The following PEMT variants were observed in gnomAD, a reference collection of about 807,000 sequenced individuals.
The protein encoded by PEMT is phosphatidylethanolamine N-methyltransferase, also known as phospholipid methyltransferase.
Under a neutral mutation model 27.4 loss-of-function variants are expected in PEMT, and 23 were observed. The ratio of observed to expected loss-of-function variants is 0.84; its 90% CI spans 0.60 to 1.19. The LOEUF is 1.19. Among genes scored for constraint, PEMT ranks in the 50% most tolerant of loss-of-function variants. The pLI, the probability that PEMT is intolerant of heterozygous loss-of-function variation, is 0.00. For missense variants in PEMT, 307 were observed against 310.1 expected (o/e 0.99, Z 0.07); for synonymous variants, 137 against 139.1 (o/e 0.98, Z 0.11).
intron 2 of PEMT, among the ~76,000 whole-genome samples, chr17:17,559,550 C>T (rs1910316991): frequency 1.3e-5 from 2 of 152,228 alleles, no homozygotes; most frequent in South Asian, 2.1e-4. Context: ...TTGAAACGGG[C>T]CTGTGAGTCC....
intron 2 of PEMT, among the ~76,000 whole-genome samples, chr17:17,538,864 C>T (rs967607679): frequency 2.6e-5 from 4 of 152,112 alleles, no homozygotes; most frequent in South Asian, 4.1e-4. Context: ...AAATATTTGG[C>T]GAGTGGCAGA....
intron 1 of PEMT, among the ~76,000 whole-genome samples, chr17:17,585,767 T>G (rs1297986486): frequency 1.3e-5 from 2 of 151,970 alleles, no homozygotes; most frequent in African/African-American, 2.4e-5. Flanking sequence ...AATCAGTACT[T>G]TTGAATGGAA....
At chr17:17,573,477 A>G (rs9904004) in intron 2 of PEMT, among the ~76,000 whole-genome samples, 17,215 of 151,786 alleles carry the variant, frequency 0.11, 1,644 homozygotes, top group African/African-American at 0.26. Context: ...AAAAAAAAAA[A>G]AAAAGAAAAA....
intron 2 of PEMT, among the ~76,000 whole-genome samples, chr17:17,568,569 G>A (rs946269500): frequency 2.6e-5 from 4 of 152,190 alleles, no homozygotes; most frequent in Admixed American, 6.5e-5. Flanking sequence ...TGGAGAAACC[G>A]ATGCCCAGGA....
chr17:17,566,348 C>T (rs948115547), intron 2 of PEMT, among the ~76,000 whole-genome samples: 6 of 152,162 alleles, frequency 3.9e-5, no homozygotes, highest in Non-Finnish European at 8.8e-5. Context: ...TTCCTGGGGA[C>T]GCCTCAGGGT....
At chr17:17,530,637 A>T (rs1908025438) in intron 2 of PEMT, among the ~76,000 whole-genome samples, 1 of 152,242 alleles carries the variant, frequency 6.6e-6, no homozygotes, top group African/African-American at 2.4e-5. Context: ...CAGCCTGAGG[A>T]CAAAAGAACC....
At chr17:17,589,752 G>T (rs942485844) in intron 1 of PEMT, among the ~76,000 whole-genome samples, 4 of 152,214 alleles carry the variant, frequency 2.6e-5, no homozygotes, top group African/African-American at 9.7e-5. Flanking sequence ...ATGTAATGTT[G>T]TATGTTGTAT....
chr17:17,583,532 G>A (rs1266589349), intron 1 of PEMT, among the ~76,000 whole-genome samples: 1 of 152,202 alleles, frequency 6.6e-6, no homozygotes, highest in African/African-American at 2.4e-5. Flanking sequence ...CACTGTCTGA[G>A]CTGGGAGCTT....
rs1344448465 is a variant in PEMT, at chr17:17,523,429, C to G, written c.205-1034G>C. On this transcript the variant is annotated intron_variant, in intron 2 of 6. Coordinates refer to ENST00000255389, the MANE Select transcript of PEMT (RefSeq NM_148172.3). The surrounding 1 kb of genome is among the most constrained non-coding windows in gnomAD (Gnocchi z 4.8). The stretch of plus-strand genomic sequence containing the variant: ...AAGGCCACTGACTCCCAGAAGGTGG[C>G]TCCCTAGTGAGTCCTCTGGCCCCTG... 1.3e-5 allele frequency among the ~76,000 whole-genome samples: 2 copies of G among 152,208 alleles called. No individual in the cohort carries two copies. The highest frequency in any genetic ancestry group is 2.9e-5 in the Non-Finnish European group (2 of 68,030).
Position 17,508,485 on chromosome 17 carries a change from C to T in PEMT, c.578+949G>A, listed in dbSNP as rs1048119149. On this transcript the variant is annotated intron_variant, in intron 5 of 6. Transcript: ENST00000255389. The stretch of plus-strand genomic sequence containing the variant: ...GTGGGAGCCAGGAGGCAACATCTTG[C>T]GCTTGACATTCACTGTTTACGATTC... 1.2e-4 allele frequency among the ~76,000 whole-genome samples: 19 copies of T among 152,360 alleles called. No homozygotes were observed. The East Asian group carries it at 1.5e-3, about 12-fold the overall frequency.
intron 2 of PEMT, among the ~76,000 whole-genome samples, chr17:17,573,251 G>A (rs571217792): frequency 8.1e-4 from 123 of 151,830 alleles, no homozygotes; most frequent in Non-Finnish European, 1.5e-3. Context: ...TTGGGAGGCC[G>A]AGTCAGGTGG....
At chr17:17,591,364 A>G in intron 1 of PEMT, 167 bp downstream of exon 1, 3 of 618,762 alleles carry the variant, frequency 4.8e-6, no homozygotes, top group Admixed American at 6.0e-5. Context: ...CACAGACACC[A>G]GCCGGCGCTC....
intron 1 of PEMT, among the ~76,000 whole-genome samples, chr17:17,578,453 C>T (rs981054951): frequency 2.0e-5 from 3 of 151,550 alleles, no homozygotes; most frequent in Admixed American, 6.6e-5. Flanking sequence ...GAGCTGTGAT[C>T]GTGCCACTTG....
chr17:17,587,243 A>T (rs1912364786), intron 1 of PEMT, among the ~76,000 whole-genome samples: 1 of 152,116 alleles, frequency 6.6e-6, no homozygotes, highest in African/African-American at 2.4e-5. Flanking sequence ...TATCAGAAAT[A>T]AAAGGGGGGA....
At chr17:17,563,061 C>T (rs1010264750) in intron 2 of PEMT, among the ~76,000 whole-genome samples, 1 of 152,188 alleles carries the variant, frequency 6.6e-6, no homozygotes, top group Non-Finnish European at 1.5e-5. Context: ...GGACACTTAC[C>T]TTGTGACTAG....
At chr17:17,529,840 C>T (rs1567687755) in intron 2 of PEMT, among the ~76,000 whole-genome samples, 1 of 152,208 alleles carries the variant, frequency 6.6e-6, no homozygotes, top group Non-Finnish European at 1.5e-5. Context: ...AGATGGAACC[C>T]ACCCCAGTGT....
At chr17:17,509,047 T>A (rs1232395627) in intron 5 of PEMT, among the ~76,000 whole-genome samples, 1 of 152,278 alleles carries the variant, frequency 6.6e-6, no homozygotes, top group East Asian at 1.9e-4. Context: ...GAATGTTTCA[T>A]GACACGTGAA....
At chr17:17,565,527 G>C (rs530308350) in intron 2 of PEMT, among the ~76,000 whole-genome samples, 1 of 152,224 alleles carries the variant, frequency 6.6e-6, no homozygotes, top group Non-Finnish European at 1.5e-5. Flanking sequence ...ACTGTGCCAC[G>C]CCTGGCAGGA....
At chr17:17,532,982 G>A (rs867805865) in intron 2 of PEMT, among the ~76,000 whole-genome samples, 26 of 152,206 alleles carry the variant, frequency 1.7e-4, no homozygotes, top group African/African-American at 5.5e-4. Flanking sequence ...AGCCGAGATC[G>A]TGCTATCGCA....
Sources: gnomAD v4.1 joint callset for allele counts (sites outside exome capture counted in the v4.1 genomes callset) on GRCh38, gnomAD v4.1.1 for gene constraint, Gnocchi (gnomAD v3.1) non-coding constraint, MANE v1.5 for transcripts, NCBI Gene and HGNC (gene_info 2026-07-23, HGNC 2026-07-21) for gene names.